STK17B: variants seen among roughly 807,000 people sequenced by gnomAD.
STK17B encodes the protein serine/threonine kinase 17b.
Under a neutral mutation model 42.0 loss-of-function variants are expected in STK17B, and 21 were observed. The observed-to-expected ratio is 0.50, with a 90% confidence interval of 0.35 to 0.72. The LOEUF (loss-of-function observed/expected upper bound fraction) is 0.72. STK17B is among the 30% of genes least tolerant of loss of function. STK17B has a pLI of 0.00. For synonymous variants in STK17B, 143 were observed against 148.4 expected (o/e 0.96, Z 0.26); for missense variants, 349 against 446.0 (o/e 0.78, Z 1.96).
chr2:196,155,548 C>A (rs1699726732), intron 3 of STK17B, among the ~76,000 whole-genome samples: 1 of 152,056 alleles, frequency 6.6e-6, no homozygotes, highest in South Asian at 2.1e-4. Context: ...AAAAGAATTA[C>A]TATAGTTAGC....
intron 5 of STK17B, among the ~76,000 whole-genome samples, chr2:196,142,954 C>T (rs1345559061): frequency 1.3e-5 from 2 of 152,182 alleles, no homozygotes; most frequent in African/African-American, 4.8e-5. Context: ...CTTTCATATG[C>T]ATAATCTAAT....
intron 4 of STK17B, among the ~76,000 whole-genome samples, chr2:196,144,561 A>C (rs1022260958): frequency 6.6e-6 from 1 of 151,740 alleles, no homozygotes; most frequent in Non-Finnish European, 1.5e-5. Flanking sequence ...ACAGCACAAA[A>C]GAAGGCATAA....
chr2:196,156,918 A>G (rs1337674190), intron 2 of STK17B, among the ~76,000 whole-genome samples: 3 of 152,230 alleles, frequency 2.0e-5, no homozygotes, highest in Admixed American at 2.0e-4. Flanking sequence ...ATGATACATT[A>G]TCTTGGGAGG....
chr2:196,146,702 CAT>C (rs1217570085), intron 3 of STK17B, among the ~76,000 whole-genome samples: 1 of 151,934 alleles, frequency 6.6e-6, no homozygotes. Flanking sequence ...CATATATATA[CAT>C]ATGTTTTCAT....
chr2:196,158,410 A>G (rs113927446), intron 2 of STK17B, among the ~76,000 whole-genome samples: 245 of 152,344 alleles, frequency 1.6e-3, no homozygotes, highest in African/African-American at 5.7e-3. Context: ...ATAAATTTGC[A>G]TATAAAAACC....
intron 3 of STK17B, among the ~76,000 whole-genome samples, chr2:196,146,702 C>T (rs1699581999): frequency 6.6e-6 from 1 of 151,934 alleles, no homozygotes; most frequent in African/African-American, 2.4e-5. Context: ...CATATATATA[C>T]ATATGTTTTC....
intron 5 of STK17B, among the ~76,000 whole-genome samples, chr2:196,142,857 T>A (rs1699512409): frequency 6.6e-6 from 1 of 152,200 alleles, no homozygotes; most frequent in African/African-American, 2.4e-5. Context: ...CATGGGGACA[T>A]CAGTATAAAC....
chr2:196,174,940 A>G (rs1699984654), upstream of STK17B, among the ~76,000 whole-genome samples: 1 of 152,230 alleles, frequency 6.6e-6, no homozygotes, highest in Non-Finnish European at 1.5e-5. Flanking sequence ...ATCCATGATC[A>G]ACTAGGGCCA....
intron 4 of STK17B, 59 bp from the exon 5 acceptor site, chr2:196,143,745 G>A: frequency 7.4e-7 from 1 of 1,357,310 alleles, no homozygotes; most frequent in Non-Finnish European, 9.7e-7. Flanking sequence ...ACTAGTCTCA[G>A]ATGGAAAGTA....
intron 1 of STK17B, among the ~76,000 whole-genome samples, chr2:196,170,163 G>T (rs1197447461): frequency 6.6e-6 from 1 of 151,284 alleles, no homozygotes; most frequent in Non-Finnish European, 1.5e-5. Flanking sequence ...AAAAAACAGT[G>T]TTATCAATGA....
Position 196,143,582 on chromosome 2 carries a change from G to T in STK17B, c.585C>A (p.Ile195=). 1 of 1,601,462 alleles carries T rather than the reference G, an allele frequency of 6.2e-7. No homozygotes were observed. Among genetic ancestry groups the T allele is most frequent in the Non-Finnish European group, 8.5e-7 (1 of 1,175,952 alleles). ...TACCTAAATATTCTGGTGTTCCCAT[G>T]ATTTCCCGAAGTTCACACGCATGCC... is the stretch of plus-strand genomic sequence containing the variant. The part of the protein sequence containing the change: ...KIGHACELRE[I]MGTPEYLAPE... The change falls in exon 5 of 8, where the codon ATC becomes ATA. Residue 195 remains isoleucine, a synonymous_variant. Transcript: ENST00000263955.
intron 3 of STK17B, among the ~76,000 whole-genome samples, chr2:196,155,049 T>C (rs1036355500): frequency 6.6e-6 from 1 of 152,338 alleles, no homozygotes; most frequent in Non-Finnish European, 1.5e-5. Context: ...CGTTGCTGTT[T>C]GGATGAACCC....
At chr2:196,163,943 G>GC (rs1209502328) in intron 1 of STK17B, among the ~76,000 whole-genome samples, 1 of 151,988 alleles carries the variant, frequency 6.6e-6, no homozygotes, top group South Asian at 2.1e-4. Flanking sequence ...GGAGGCTGAG[G>GC]CAGGAGCATC....
intron 1 of STK17B, among the ~76,000 whole-genome samples, chr2:196,167,381 G>C (rs926366093): frequency 2.0e-5 from 3 of 152,174 alleles, no homozygotes; most frequent in Non-Finnish European, 2.9e-5. Flanking sequence ...TGAATTGTAA[G>C]AATTATGAGA....
chr2:196,170,354 G>C (rs559194298), intron 1 of STK17B, among the ~76,000 whole-genome samples: 169 of 152,190 alleles, frequency 1.1e-3, no homozygotes, highest in Non-Finnish European at 2.2e-3. Context: ...CTTATCATTA[G>C]CACCACAGAT....
At chr2:196,169,440 C>A (rs1439179498) in intron 1 of STK17B, among the ~76,000 whole-genome samples, 2 of 152,048 alleles carry the variant, frequency 1.3e-5, no homozygotes, top group Non-Finnish European at 2.9e-5. Flanking sequence ...AATTTTAAGG[C>A]AATTTAACGA....
At chr2:196,161,511 CTTTTTTTTTTTTT>C (rs71009086) in intron 2 of STK17B, among the ~76,000 whole-genome samples, 2 of 69,522 alleles carry the variant, frequency 2.9e-5, no homozygotes, top group African/African-American at 1.2e-4. Flanking sequence ...TATTATAATT[CTTTTTTTTTTTTT>C]TTTTTTTTTT....
At chr2:196,156,174 T>A (rs1699735181) in intron 3 of STK17B, 1 of 258,774 alleles carries the variant, frequency 3.9e-6, no homozygotes, top group East Asian at 7.6e-5. Flanking sequence ...CAATTAGCCA[T>A]TAAGAAAATA....
intron 1 of STK17B, among the ~76,000 whole-genome samples, chr2:196,168,045 T>C (rs1261778562): frequency 6.6e-6 from 1 of 152,252 alleles, no homozygotes; most frequent in Non-Finnish European, 1.5e-5. Flanking sequence ...GAAATGATGA[T>C]GATTTTCAAT....
Sources: gnomAD v4.1 joint callset for allele counts (sites outside exome capture counted in the v4.1 genomes callset) on GRCh38, gnomAD v4.1.1 for gene constraint, MANE v1.5 for transcripts, NCBI Gene and HGNC (gene_info 2026-07-23, HGNC 2026-07-21) for gene names.